Variants in RIMS2 observed in about 807,000 individuals in gnomAD.
RIMS2 encodes the protein regulating synaptic membrane exocytosis 2.
In RIMS2, 59 loss-of-function variants were observed where a neutral mutation model predicts 174.4. That is an observed-to-expected ratio of 0.34 (90% CI 0.27 to 0.42). The LOEUF (loss-of-function observed/expected upper bound fraction) is 0.42. Among genes scored for constraint, RIMS2 ranks in the 10% least tolerant of loss-of-function variants. The pLI is 1.00. For synonymous variants in RIMS2, 606 were observed against 572.5 expected (o/e 1.06, Z -0.84); for missense variants, 1,620 against 1,666.3 (o/e 0.97, Z 0.48).
At chr8:103,869,890 A>T (rs1470336969) in intron 3 of RIMS2, among the ~76,000 whole-genome samples, 1 of 152,170 alleles carries the variant, frequency 6.6e-6, no homozygotes, top group Non-Finnish European at 1.5e-5. Flanking sequence ...AGAAGAAGTA[A>T]TAGTCACTTG....
Position 103,598,745 on chromosome 8 carries a change from A to G in RIMS2, c.176+97683A>G, listed in dbSNP as rs542232967. On this transcript the variant is annotated intron_variant, in intron 1 of 23. Transcript: ENST00000504942. ...CTTCCAAACCAAGAGCATCTCTTCC[A>G]TAGTTTAAAGTACAGAATTCTGAGG... Among the ~76,000 whole-genome samples the G allele has an allele frequency of 3.9e-5, 6 of 152,302 alleles. No homozygotes were observed. In the East Asian group the frequency reaches 9.6e-4, roughly 24 times the overall value.
chr8:104,123,297 T>C (rs1384329062), intron 19 of RIMS2, among the ~76,000 whole-genome samples: 1 of 152,038 alleles, frequency 6.6e-6, no homozygotes, highest in Admixed American at 6.6e-5. Flanking sequence ...TAAAAAGCAT[T>C]TCTAATTATT....
chr8:103,982,054 A>G (rs1216362695), intron 16 of RIMS2, among the ~76,000 whole-genome samples: 1 of 152,178 alleles, frequency 6.6e-6, no homozygotes, highest in African/African-American at 2.4e-5. Flanking sequence ...AAACAAAATC[A>G]GGGATGAATA....
chr8:103,684,536 CTTTTTTTATTTTATTTTAT>C (rs1180163468), intron 1 of RIMS2, among the ~76,000 whole-genome samples: 1 of 138,006 alleles, frequency 7.2e-6, no homozygotes, highest in Non-Finnish European at 1.7e-5. Context: ...CTGGTTCATA[CTTTTTTTATTTTATTTTAT>C]TTTATTTTAT....
intron 10 of RIMS2, among the ~76,000 whole-genome samples, chr8:103,925,777 G>C (rs574382665): frequency 2.6e-5 from 4 of 151,574 alleles, no homozygotes; most frequent in African/African-American, 7.2e-5. Flanking sequence ...GAGTGATTAC[G>C]TAAAGTTCAG....
At chr8:103,652,585 A>G (rs1304401926) in intron 1 of RIMS2, 39 bp from the exon 3 acceptor site, 2 of 1,088,392 alleles carry the variant, frequency 1.8e-6, no homozygotes, top group South Asian at 1.3e-5. Context: ...ATTGTTATTC[A>G]TTTGGTTATT....
chr8:104,223,549 C>T (rs2099166530), intron 19 of RIMS2: 1 of 1,432,276 alleles, frequency 7.0e-7, no homozygotes, highest in Non-Finnish European at 9.1e-7. Flanking sequence ...TGGCACCAAC[C>T]TGGCTTCTGG....
Position 103,556,239 on chromosome 8 carries a change from T to C in RIMS2, c.176+55177T>C, listed in dbSNP as rs536966550. On this transcript the variant is annotated intron_variant, in intron 1 of 23. Coordinates refer to ENST00000504942, the Ensembl canonical transcript of RIMS2. ...TATATGAGGTAATGCATTTGTTTTA[T>C]ATATTGATTTAGTCATTCTACAATG... Among the ~76,000 whole-genome samples the C allele has an allele frequency of 7.9e-5, 12 of 152,340 alleles. No individual in the cohort carries two copies. In the South Asian group the frequency reaches 1.7e-3, roughly 21 times the overall value.
At chr8:103,915,435 A>G (rs1018954285) in intron 6 of RIMS2, 60 bp from the exon 10 acceptor site, 5 of 973,414 alleles carry the variant, frequency 5.1e-6, no homozygotes, top group Non-Finnish European at 7.9e-6. Context: ...TTTTACCTGA[A>G]TCTTCAACCA....
chr8:104,208,983 G>T (rs975300380), intron 19 of RIMS2, among the ~76,000 whole-genome samples: 9 of 152,130 alleles, frequency 5.9e-5, no homozygotes, highest in Non-Finnish European at 1.0e-4. Context: ...TTAGAAACAG[G>T]TCATAAAACT....
chr8:103,701,399 G>A (rs1021919932), intron 2 of RIMS2, among the ~76,000 whole-genome samples: 1 of 152,114 alleles, frequency 6.6e-6, no homozygotes, highest in Non-Finnish European at 1.5e-5. Context: ...ATCCGTCACA[G>A]TAAACACTGA....
intron 1 of RIMS2, among the ~76,000 whole-genome samples, chr8:103,578,437 G>A (rs958531211): frequency 5.9e-5 from 9 of 151,700 alleles, no homozygotes; most frequent in African/African-American, 1.5e-4. Flanking sequence ...AGACTGAGAC[G>A]GGAGAATCAT....
intron 17 of RIMS2, among the ~76,000 whole-genome samples, chr8:103,992,158 G>A (rs1011172335): frequency 6.6e-6 from 1 of 152,080 alleles, no homozygotes; most frequent in South Asian, 2.1e-4. Context: ...ACCCAGGCTG[G>A]AGTTCAATGG....
Position 104,207,471 on chromosome 8 carries a change from TC to T in RIMS2, c.3335-37442del. On this transcript the variant is annotated intron_variant, in intron 19 of 23. Coordinates refer to ENST00000504942, the Ensembl canonical transcript of RIMS2. ...TCTTTTCAACCAGGGAACATAATAT[TC>T]CCTAGGATGAAATATACTTGTGCAT... Among the ~76,000 whole-genome samples, 5 of 152,256 alleles carry T rather than the reference TC, an allele frequency of 3.3e-5. No individual in the cohort carries two copies. The South Asian group carries it at 1.0e-3, about 32-fold the overall frequency.
chr8:104,068,520 G>A (rs1323297191), intron 19 of RIMS2: 1 of 1,476,226 alleles, frequency 6.8e-7, no homozygotes, highest in Non-Finnish European at 9.3e-7. Context: ...AGGTACTATG[G>A]ATATAGAGGA....
rs1217290906 is a variant in RIMS2, at chr8:103,651,476, T to A, written c.177-45610T>A. ...ATTTTTGTAATATAAAAATATCTTC[T>A]CATCTCAGAGAATTAGAAAGTAGTT... On this transcript the variant is annotated intron_variant, in intron 1 of 23. Coordinates refer to ENST00000504942, the Ensembl canonical transcript of RIMS2. 2.0e-5 allele frequency among the ~76,000 whole-genome samples: 3 copies of A among 152,220 alleles called. No homozygotes were observed. In the East Asian group the frequency reaches 5.8e-4, roughly 29 times the overall value.
intron 3 of RIMS2, among the ~76,000 whole-genome samples, chr8:103,868,995 A>C (rs1188675720): frequency 1.9e-4 from 29 of 152,086 alleles, no homozygotes; most frequent in Non-Finnish European, 4.1e-4. Context: ...TTATGAAAAA[A>C]TTTGTTATTT....
chr8:103,858,706 TA>T (rs2099041806), intron 3 of RIMS2, among the ~76,000 whole-genome samples: 1 of 147,206 alleles, frequency 6.8e-6, no homozygotes, highest in Admixed American at 6.8e-5. Flanking sequence ...CGTGTATATA[TA>T]TATACACATA....
intron 1 of RIMS2, among the ~76,000 whole-genome samples, chr8:103,634,585 T>C (rs1378183181): frequency 1.3e-5 from 2 of 152,224 alleles, no homozygotes; most frequent in Non-Finnish European, 2.9e-5. Flanking sequence ...GTTAGTTTTC[T>C]TGTCAGTGAT....
Sources: gnomAD v4.1 joint callset for allele counts (sites outside exome capture counted in the v4.1 genomes callset) on GRCh38, gnomAD v4.1.1 for gene constraint, MANE v1.5 for transcripts, NCBI Gene and HGNC (gene_info 2026-07-23, HGNC 2026-07-21) for gene names.